IL2RA: variants seen among roughly 807,000 people sequenced by gnomAD.
IL2RA encodes interleukin 2 receptor subunit alpha, also known as interleukin-2 receptor subunit alpha.
In IL2RA, 24 loss-of-function variants were observed where a neutral mutation model predicts 37.8. That is an observed-to-expected ratio of 0.63 (90% CI 0.46 to 0.89). The LOEUF is 0.89. IL2RA is among the 40% of genes least tolerant of loss of function. IL2RA has a pLI of 0.00. For missense variants in IL2RA, 319 were observed against 348.6 expected (o/e 0.92, Z 0.68); for synonymous variants, 125 against 114.6 (o/e 1.09, Z -0.58).
intron 1 of IL2RA, among the ~76,000 whole-genome samples, chr10:6,041,380 G>C (rs1266305021): frequency 6.6e-6 from 1 of 152,116 alleles, no homozygotes; most frequent in Non-Finnish European, 1.5e-5. Context: ...CTCCCAAAAT[G>C]CTGGGATTAC....
Position 6,018,699 on chromosome 10 carries a change from G to A in IL2RA, c.728-580C>T, listed in dbSNP as rs1415876543. 6.6e-6 allele frequency among the ~76,000 whole-genome samples: 1 copy of A among 152,170 alleles called. No individual in the cohort carries two copies. Among genetic ancestry groups the A allele is most frequent in the Non-Finnish European group, 1.5e-5 (1 of 68,034 alleles). On this transcript the variant is annotated intron_variant, in intron 6 of 7. Transcript: ENST00000379959. The surrounding 1 kb of genome is among the most constrained non-coding windows in gnomAD (Gnocchi z 5.1). The stretch of plus-strand genomic sequence containing the variant: ...CAGCCCTTCCAGATCAGCTTGAGAG[G>A]AGCTGATAGGGCTGACTTGAGACTT...
At chr10:6,037,995 T>TC (rs1657121694) in intron 1 of IL2RA, among the ~76,000 whole-genome samples, 1 of 152,062 alleles carries the variant, frequency 6.6e-6, no homozygotes, top group Non-Finnish European at 1.5e-5. Context: ...AAGTAAGTGG[T>TC]TTGGGTGCAA....
chr10:6,044,301 G>A lies in IL2RA; in HGVS notation c.64+17787C>T, dbSNP rs1839816701. ...AAAACAGCTTTATTGAAGTGGCAAT[G>A]TTATAGTTCCGGCTGTGCTACAGCT... On this transcript the variant is annotated intron_variant, in intron 1 of 7. Transcript: ENST00000379959. This position sits in a 1 kb window ranked among gnomAD's most constrained non-coding sequence, Gnocchi z 4.5. 6.6e-6 allele frequency among the ~76,000 whole-genome samples: 1 copy of A among 152,262 alleles called. No homozygotes were observed. Among genetic ancestry groups the A allele is most frequent in the South Asian group, 2.1e-4 (1 of 4,838 alleles).
At chr10:6,023,635 C>G (rs1564543169) in intron 3 of IL2RA, among the ~76,000 whole-genome samples, 1 of 152,208 alleles carries the variant, frequency 6.6e-6, no homozygotes, top group Non-Finnish European at 1.5e-5. Context: ...TGCGCCCAGC[C>G]CATTTTCTTG....
At position 6,023,488 on chromosome 10, in the gene IL2RA, A is replaced by G. The variant is rs550465587; in HGVS notation, c.367+756T>C. ...GTAGCTGGGACTACAGGCATCCACC[A>G]CCATGCCCAGCTTAATTTTTGTATG... On this transcript the variant is annotated intron_variant, in intron 3 of 7. Transcript: ENST00000379959. Among the ~76,000 whole-genome samples, 157 of 152,160 alleles carry G rather than the reference A, an allele frequency of 1.0e-3. 1 individual carries two copies. Among genetic ancestry groups the G allele is most frequent in the African/African-American group, 3.4e-3 (143 of 41,512 alleles).
chr10:6,025,906 A>C lies in IL2RA; in HGVS notation c.184T>G (p.Ser62Ala). The change falls in exon 2 of 8, where the codon TCA (serine) becomes GCA (alanine). Residue 62 changes from serine to alanine, a missense_variant. Coordinates refer to ENST00000379959, the MANE Select transcript of IL2RA (RefSeq NM_000417.3). This position sits in a 1 kb window ranked among gnomAD's most constrained non-coding sequence, Gnocchi z 4.4. ...KRGFRRIKSG[S>A]LYMLCTGNSS... ...TTTCCTGTACAGAGCATATAGAGTG[A>C]CCCGCTTTTTATTCTGCGGAAACCT... The C allele has an allele frequency of 6.2e-7, 1 of 1,614,086 alleles. No homozygotes were observed. The highest frequency in any genetic ancestry group is 8.5e-7 in the Non-Finnish European group (1 of 1,180,020).
Position 6,057,358 on chromosome 10 carries a change from A to G in IL2RA, c.64+4730T>C, listed in dbSNP as rs986443575. On this transcript the variant is annotated intron_variant, in intron 1 of 7. Coordinates refer to ENST00000379959, the MANE Select transcript of IL2RA (RefSeq NM_000417.3). This position sits in a 1 kb window ranked among gnomAD's most constrained non-coding sequence, Gnocchi z 4.8. ...ACAATGAGACATCAGGCTTGGGTGC[A>G]TTGATACACAAAAGTCGCTCAACCC... Among the ~76,000 whole-genome samples the G allele has an allele frequency of 1.3e-5, 2 of 152,186 alleles. No homozygotes were observed. The highest frequency in any genetic ancestry group is 2.4e-5 in the African/African-American group (1 of 41,444).
chr10:6,012,521 T>G lies in IL2RA; in HGVS notation c.*351A>C. On this transcript the variant is annotated 3_prime_UTR_variant, in exon 8 of 8. Transcript: ENST00000379959. The surrounding 1 kb of genome is among the most constrained non-coding windows in gnomAD (Gnocchi z 4.8). ...GAATGAGATGAATGTAAACCTACTT[T>G]TCTTTATACTACATATAGGGTGGAG... 2 of 361,942 alleles carry G rather than the reference T, an allele frequency of 5.5e-6. No homozygotes were observed. The highest frequency in any genetic ancestry group is 1.0e-5 in the Non-Finnish European group (2 of 193,064). The allele number at this position is 361,942 out of a possible 1,614,324, so 22.4% of individuals were successfully genotyped here.
At chr10:6,043,004 T>G (rs930988929) in intron 1 of IL2RA, among the ~76,000 whole-genome samples, 3 of 152,210 alleles carry the variant, frequency 2.0e-5, no homozygotes, top group Non-Finnish European at 4.4e-5. Flanking sequence ...ATCAGTGATC[T>G]CACTTCTAGG....
chr10:6,025,430 C>G lies in IL2RA; in HGVS notation c.256+404G>C, dbSNP rs570804819. On this transcript the variant is annotated intron_variant, in intron 2 of 7. Coordinates refer to ENST00000379959, the MANE Select transcript of IL2RA (RefSeq NM_000417.3). The surrounding 1 kb of genome is among the most constrained non-coding windows in gnomAD (Gnocchi z 4.4). ...CAGCATTTTGGGTGGCTGAGATGGG[C>G]AGATTACTCAAGGTCAGGAGTTTGA... 8.9e-5 allele frequency among the ~76,000 whole-genome samples: 13 copies of G among 146,684 alleles called. 1 individual carries two copies. In the East Asian group the frequency reaches 2.7e-3, roughly 31 times the overall value.
In IL2RA at chr10:6,021,717, G is replaced by A; in HGVS notation, c.368-24C>T. Reference sequence around the variant, plus strand: ...ACCTGGAAGATGGAAGGAATGCTCTGAAGGCAAGTTGGGGACAGCACCGCG... The same window carrying A: ...ACCTGGAAGATGGAAGGAATGCTCTAAAGGCAAGTTGGGGACAGCACCGCG... On this transcript the variant is annotated intron_variant, in intron 3 of 7. Transcript: ENST00000379959. The surrounding 1 kb of genome is among the most constrained non-coding windows in gnomAD (Gnocchi z 4.9). The A allele has an allele frequency of 6.2e-7, 1 of 1,607,464 alleles. No individual in the cohort carries two copies. The highest frequency in any genetic ancestry group is 8.5e-7 in the Non-Finnish European group (1 of 1,174,228).
chr10:6,055,143 G>A (rs1051173351), intron 1 of IL2RA, among the ~76,000 whole-genome samples: 1 of 152,180 alleles, frequency 6.6e-6, no homozygotes, highest in African/African-American at 2.4e-5. Flanking sequence ...AATCTTAGGC[G>A]GTAACCCCTG....
rs966410434 is a variant in IL2RA, at chr10:6,044,988, A to C, written c.64+17100T>G. Among the ~76,000 whole-genome samples, 3 of 152,216 alleles carry C rather than the reference A, an allele frequency of 2.0e-5. No individual in the cohort carries two copies. The highest frequency in any genetic ancestry group is 4.4e-5 in the Non-Finnish European group (3 of 68,046). ...TGTTGAAGGAAATGTGGGAGAAGTA[A>C]AGTGCCTGTCTCAGGGCTTGGGGGA... On this transcript the variant is annotated intron_variant, in intron 1 of 7. Transcript: ENST00000379959. The surrounding 1 kb of genome is among the most constrained non-coding windows in gnomAD (Gnocchi z 4.5).
At chr10:6,037,863 A>G (rs1800378452) in intron 1 of IL2RA, among the ~76,000 whole-genome samples, 1 of 152,214 alleles carries the variant, frequency 6.6e-6, no homozygotes, top group Non-Finnish European at 1.5e-5. Context: ...CTGGAGCCAG[A>G]GGCTATCTTT....
intron 1 of IL2RA, among the ~76,000 whole-genome samples, chr10:6,053,139 A>G (rs1484953703): frequency 6.6e-6 from 1 of 152,212 alleles, no homozygotes; most frequent in South Asian, 2.1e-4. Context: ...CCCTGCTCAC[A>G]TGGCACCTTT....
In IL2RA at chr10:6,015,459, G is replaced by A. The variant is rs1432456322; in HGVS notation, c.795-2563C>T. ...TCTGCTCCCTGGAACGGCAGCGTCA[G>A]TATCACCTGGGAACCTGATAGAAAT... On this transcript the variant is annotated intron_variant, in intron 7 of 7. Coordinates refer to ENST00000379959, the MANE Select transcript of IL2RA (RefSeq NM_000417.3). This position sits in a 1 kb window ranked among gnomAD's most constrained non-coding sequence, Gnocchi z 4.9. Among the ~76,000 whole-genome samples, 1 of 152,180 alleles carries A rather than the reference G, an allele frequency of 6.6e-6. No individual in the cohort carries two copies. The highest frequency in any genetic ancestry group is 1.5e-5 in the Non-Finnish European group (1 of 68,026).
At position 6,025,850 on chromosome 10, in the gene IL2RA, A is replaced by G. The variant is rs41306826; in HGVS notation, c.240T>C (p.Cys80=). 2 of 1,614,188 alleles carry G rather than the reference A, an allele frequency of 1.2e-6. No homozygotes were observed. The highest frequency in any genetic ancestry group is 2.2e-5 in the East Asian group (1 of 44,888). ...NSSHSSWDNQ[C]QCTSSATRNT... is the part of the protein sequence containing the mutation. ...GACACTTACCAGAGCTTGTGCATTG[A>G]CATTGGTTGTCCCAGGACGAGTGGC... The change falls in exon 2 of 8, where the codon TGT becomes TGC. Residue 80 remains cysteine (C), a synonymous_variant. Transcript: ENST00000379959. The surrounding 1 kb of genome is among the most constrained non-coding windows in gnomAD (Gnocchi z 4.4).
rs895984521 is a variant in IL2RA, at chr10:6,015,842, C to A, written c.794+2211G>T. Among the ~76,000 whole-genome samples the A allele has an allele frequency of 1.1e-4, 16 of 152,186 alleles. No homozygotes were observed. The highest frequency in any genetic ancestry group is 9.8e-4 in the Admixed American group (15 of 15,290). On this transcript the variant is annotated intron_variant, in intron 7 of 7. Transcript: ENST00000379959. The surrounding 1 kb of genome is among the most constrained non-coding windows in gnomAD (Gnocchi z 4.9). Reference sequence around the variant, plus strand: ...GGGGCTTTAAAACGTACGACTATCCCAGACATAAAAGGCCACGTGATTCCA... The same window carrying A: ...GGGGCTTTAAAACGTACGACTATCCAAGACATAAAAGGCCACGTGATTCCA...
chr10:6,039,186 A>G (rs1341297511), intron 1 of IL2RA, among the ~76,000 whole-genome samples: 1 of 152,252 alleles, frequency 6.6e-6, no homozygotes, highest in Non-Finnish European at 1.5e-5. Context: ...CAGAAGCATT[A>G]ATAGAAATAC....
Sources: gnomAD v4.1 joint callset for allele counts (sites outside exome capture counted in the v4.1 genomes callset) on GRCh38, gnomAD v4.1.1 for gene constraint, Gnocchi (gnomAD v3.1) non-coding constraint, MANE v1.5 for transcripts, NCBI Gene and HGNC (gene_info 2026-07-23, HGNC 2026-07-21) for gene names.